The following TEX13B variants were observed in gnomAD, a reference collection of about 807,000 sequenced individuals.
TEX13B encodes testis expressed 13B.
Under a neutral mutation model 11.2 loss-of-function variants are expected in TEX13B, and 5 were observed. The ratio of observed to expected loss-of-function variants is 0.44; its 90% confidence interval spans 0.23 to 0.93. The LOEUF is 0.93. Among genes scored for constraint, TEX13B ranks in the 40% least tolerant of loss-of-function variants. The pLI, the probability that TEX13B is intolerant of heterozygous loss-of-function variation, is 0.23. For missense variants in TEX13B, 213 were observed against 244.2 expected, an observed-to-expected ratio of 0.87 and a Z score of 0.85; for synonymous variants, 115 against 100.9, an observed-to-expected ratio of 1.14 and a Z score of -0.84.
rs753317029 is a variant in TEX13B, at chrX:107,980,948, G to A, written c.*132C>T. The stretch of plus-strand genomic sequence containing the variant: ...TGAAAAATTCACAGCTTTACACCAC[G>A]GGCAGTCCCAGTTCCCTGGCCTGCG... On this transcript the variant is annotated 3_prime_UTR_variant, in exon 3 of 3. Transcript: ENST00000302917. 7 of 969,064 alleles carry A rather than the reference G, an allele frequency of 7.2e-6. No individual in the cohort carries two copies. Among genetic ancestry groups the A allele is most frequent in the Middle Eastern group, 2.8e-4 (1 of 3,519 alleles). The allele number at this position is 969,064 out of a possible 1,213,427, so 79.9% of individuals were successfully genotyped here. A position where few individuals can be genotyped will look rare whatever the true frequency, so the allele number is the denominator to read the frequency against.
rs1029242665 is a variant in TEX13B at position 107,981,074 on chromosome X, C to G, written c.*6G>C. The G allele has an allele frequency of 8.3e-7, 1 of 1,210,624 alleles. No individual in the cohort carries two copies. Among genetic ancestry groups the G allele is most frequent in the Admixed American group, 2.2e-5 (1 of 45,951 alleles). ...CTGGGCCTCCACATCTGACCACAGGCTAGCATCAGAGGCCCCCCAGTTGAA... is the reference window on the plus strand; with the variant it reads ...CTGGGCCTCCACATCTGACCACAGGGTAGCATCAGAGGCCCCCCAGTTGAA... On this transcript the variant is annotated 3_prime_UTR_variant, in exon 3 of 3. Coordinates refer to ENST00000302917, the MANE Select transcript of TEX13B (RefSeq NM_031273.2).
Position 107,981,300 on chromosome X carries a change from C to T in TEX13B, c.719G>A (p.Gly240Glu), listed in dbSNP as rs759326231. The T allele has an allele frequency of 1.2e-5, 14 of 1,210,049 alleles. No individual in the cohort carries two copies. The highest frequency in any genetic ancestry group is 1.6e-5 in the Non-Finnish European group (14 of 895,211). Residue 240 changes from glycine (G) to glutamate (E), a missense_variant, in exon 3 of 3, where the codon GGA becomes GAA. Coordinates refer to ENST00000302917, the MANE Select transcript of TEX13B (RefSeq NM_031273.2). Reference sequence around the variant, plus strand: ...GTTTGTACTGACCTGAGATCTTTCTCCCTCTGCCCCGCAAAGGTGTAATTT... The same window carrying T: ...GTTTGTACTGACCTGAGATCTTTCTTCCTCTGCCCCGCAAAGGTGTAATTT... The part of the protein sequence containing the change: ...AGKLHLCGAE[G>E]ERSQVSTNSH...
Position 107,982,073 on chromosome X carries a change from C to T in TEX13B, c.55G>A (p.Ala19Thr), listed in dbSNP as rs768900707. 2 of 1,209,979 alleles carry T rather than the reference C, an allele frequency of 1.7e-6. No individual in the cohort carries two copies. Among genetic ancestry groups the T allele is most frequent in the South Asian group, 3.5e-5 (2 of 56,845 alleles). The change falls in exon 2 of 3, where the codon GCC becomes ACC. Residue 19 changes from alanine to threonine, a missense_variant. Ala to Thr is a moderately conservative substitution (Grantham distance 58, BLOSUM62 0). Coordinates refer to ENST00000302917, the MANE Select transcript of TEX13B (RefSeq NM_031273.2). ...SSGFRHGNVVAFIIEKMARHT... is the reference protein window; with the variant it reads ...SSGFRHGNVVTFIIEKMARHT... ...CTGGCCATTTTCTCGATGATGAAGG[C>T]CACCACGTTTCCGTGCCGGAACCCA... is the stretch of plus-strand genomic sequence containing the variant.
Position 107,981,456 on chromosome X carries a change from G to A in TEX13B, c.563C>T (p.Ala188Val), listed in dbSNP as rs201061454. The A allele has an allele frequency of 5.9e-5, 71 of 1,210,115 alleles. No homozygotes were observed. The highest frequency in any genetic ancestry group is 7.7e-5 in the Non-Finnish European group (69 of 895,261). Reference protein sequence around the residue: ...TEGAGEQEKEAVAAAGAAGGK... With the variant: ...TEGAGEQEKEVVAAAGAAGGK... ...TCCAGCAGCACCAGCAGCAGCCACC[G>A]CCTCCTTTTCCTGCTCACCTGCTCC... The change falls in exon 3 of 3, where the codon GCG (alanine) becomes GTG (valine). Residue 188 changes from alanine (A) to valine (V), a missense_variant. By Grantham distance (64) the Ala-to-Val change is moderately conservative. Coordinates refer to ENST00000302917, the MANE Select transcript of TEX13B (RefSeq NM_031273.2).
Position 107,981,975 on chromosome X carries a change from C to T in TEX13B, c.153G>A (p.Arg51=), listed in dbSNP as rs1179474864. ...GCACCTCGCTGTCCTCCAGGATGGC[C>T]CTGAGCTTGTCTTCCACCTCCTCCC... is the stretch of plus-strand genomic sequence containing the variant. ...LSWEEVEDKL[R]AILEDSEVPS... Residue 51 remains arginine, a synonymous_variant, in exon 2 of 3, where the codon AGG becomes AGA. Transcript: ENST00000302917. The T allele has an allele frequency of 2.5e-6, 3 of 1,211,827 alleles. No homozygotes were observed. The highest frequency in any genetic ancestry group is 3.4e-6 in the Non-Finnish European group (3 of 895,487).
chrX:107,981,727 G>T lies in TEX13B; in HGVS notation c.401C>A (p.Thr134Asn), dbSNP rs201509944. ...CTCTCTCTGCACCTCCGCAAGGCTG[G>T]TCTCGGTTAGCTGCAACTGGAAGGT... ...EATFQLQLTE[T>N]SLAEVQRERD... is the part of the protein sequence containing the mutation. The change falls in exon 2 of 3, where the codon ACC becomes AAC. Residue 134 changes from threonine to asparagine, a missense_variant. Physicochemically the swap from Thr to Asn is moderately conservative, Grantham distance 65. Coordinates refer to ENST00000302917, the MANE Select transcript of TEX13B (RefSeq NM_031273.2). 5.1e-5 allele frequency: 62 copies of T among 1,208,984 alleles called. No homozygotes were observed. The highest frequency in any genetic ancestry group is 1.0e-5 in the Non-Finnish European group (9 of 894,555).
chrX:107,982,098 A>G lies in TEX13B; in HGVS notation c.30T>C (p.Ser10=). ...CCACCACGTTTCCGTGCCGGAACCC[A>G]CTACTGGGGTCCTCAGGTCTCAAGG... The part of the protein sequence containing the change: MALRPEDPS[S]GFRHGNVVAF... Residue 10 remains serine, a synonymous_variant, in exon 2 of 3, where the codon AGT becomes AGC. Coordinates refer to ENST00000302917, the MANE Select transcript of TEX13B (RefSeq NM_031273.2). 2 of 1,204,063 alleles carry G rather than the reference A, an allele frequency of 1.7e-6. No homozygotes were observed. The highest frequency in any genetic ancestry group is 1.1e-6 in the Non-Finnish European group (1 of 890,380).
chrX:107,981,329 T>G lies in TEX13B; in HGVS notation c.690A>C (p.Ala230=). 2 of 1,211,786 alleles carry G rather than the reference T, an allele frequency of 1.7e-6. No homozygotes were observed. The highest frequency in any genetic ancestry group is 2.2e-6 in the Non-Finnish European group (2 of 895,505). ...CTGCCCCGCAAAGGTGTAATTTGCC[T>G]GCTACAATAGCTCCGAGGGGCTGCC... ...GFRQPLGAIV[A]GKLHLCGAEG... Residue 230 remains alanine (A), a synonymous_variant, in exon 3 of 3, where the codon GCA becomes GCC. Transcript: ENST00000302917.
intron 2 of TEX13B, 54 bp from the exon 3 acceptor site, chrX:107,981,613 C>T (rs1166645363): frequency 1.8e-5 from 21 of 1,195,619 alleles, no homozygotes; most frequent in Non-Finnish European, 2.3e-5. Flanking sequence ...GCAGGGGGTC[C>T]GGACAGGTTG....
chrX:107,981,958 C>A lies in TEX13B; in HGVS notation c.170G>T (p.Ser57Ile). 1 of 1,211,836 alleles carries A rather than the reference C, an allele frequency of 8.3e-7. No individual in the cohort carries two copies. Among genetic ancestry groups the A allele is most frequent in the Non-Finnish European group, 1.1e-6 (1 of 895,415 alleles). ...EDKLRAILEDSEVPSEVKEAC... is the reference protein window; with the variant it reads ...EDKLRAILEDIEVPSEVKEAC... Reference sequence around the variant, plus strand: ...CTCTTTGACCTCGCTGGGCACCTCGCTGTCCTCCAGGATGGCCCTGAGCTT... The same window carrying A: ...CTCTTTGACCTCGCTGGGCACCTCGATGTCCTCCAGGATGGCCCTGAGCTT... Residue 57 changes from serine to isoleucine, a missense_variant, in exon 2 of 3, where the codon AGC becomes ATC. Transcript: ENST00000302917.
In TEX13B at chrX:107,982,370, A is replaced by T. The variant is rs1291051110; in HGVS notation, c.-93T>A. 6 of 336,578 alleles carry T rather than the reference A, an allele frequency of 1.8e-5. No individual in the cohort carries two copies. Among genetic ancestry groups the T allele is most frequent in the African/African-American group, 1.3e-4 (5 of 39,152 alleles). 27.7% of individuals were successfully genotyped at this position (336,578 alleles called of 1,213,427 possible). A position where few individuals can be genotyped will look rare whatever the true frequency, so the allele number is the denominator to read the frequency against. ...CCCGCTGCTTAACACGCCTGAAGAG[A>T]GGGTGGCCTCTTTCCCTCCTAGGGC... On this transcript the variant is annotated 5_prime_UTR_variant, in exon 1 of 3. Coordinates refer to ENST00000302917, the MANE Select transcript of TEX13B (RefSeq NM_031273.2).
chrX:107,981,206 G>A lies in TEX13B; in HGVS notation c.813C>T (p.Tyr271=). Residue 271 remains tyrosine (Y), a synonymous_variant, in exon 3 of 3, where the codon TAC becomes TAT. Coordinates refer to ENST00000302917, the MANE Select transcript of TEX13B (RefSeq NM_031273.2). The stretch of plus-strand genomic sequence containing the variant: ...GCATGGGTATGAGTATGTGAATGAG[G>A]TAGGGAGCTGGACAGGAAGAGGCTC... ...LTGASSCPAP[Y]LIHILIPMPF... 1.7e-6 allele frequency: 2 copies of A among 1,211,932 alleles called. No homozygotes were observed. The highest frequency in any genetic ancestry group is 3.0e-5 in the East Asian group (1 of 33,816).
In TEX13B at chrX:107,982,136, A is replaced by G. The variant is rs763773978; in HGVS notation, c.-9T>C. ...TCAGGTCTCAAGGCCATGATCGCCT[A>G]GGGGCTTAACGGTTTCACTAGCCCT... On this transcript the variant is annotated 5_prime_UTR_variant, in exon 2 of 3. Transcript: ENST00000302917. 7.6e-6 allele frequency: 9 copies of G among 1,184,074 alleles called. No individual in the cohort carries two copies. In the Admixed American group the frequency reaches 2.0e-4, roughly 26 times the overall value.
Position 107,981,517 on chromosome X carries a change from G to A in TEX13B, c.502C>T (p.Pro168Ser). The stretch of plus-strand genomic sequence containing the variant: ...TCCCCTCCGGCAGTGGCCAGGCCTG[G>A]AAACACTGTAGCCTGGCCCTGTCCC... The part of the protein sequence containing the change: ...PQGQGQATVF[P>S]GLATAGGDWT... Residue 168 changes from proline to serine, a missense_variant, in exon 3 of 3, where the codon CCA (proline) becomes TCA (serine). Coordinates refer to ENST00000302917, the MANE Select transcript of TEX13B (RefSeq NM_031273.2). 8.3e-7 allele frequency: 1 copy of A among 1,211,819 alleles called. No individual in the cohort carries two copies. The highest frequency in any genetic ancestry group is 1.7e-5 in the African/African-American group (1 of 57,838).
At position 107,981,139 on chromosome X, in the gene TEX13B, T is replaced by A. The variant is rs756958636; in HGVS notation, c.880A>T (p.Thr294Ser). ...LLSHTQYTPF[T>S]SKGHRTGSNS... is the part of the protein sequence containing the mutation. ...GAACCCGTTCTGTGACCTTTGCTGG[T>A]GAAGGGGGTATATTGGGTATGGCTG... Residue 294 changes from threonine to serine, a missense_variant, in exon 3 of 3, where the codon ACC becomes TCC. Transcript: ENST00000302917. The A allele has an allele frequency of 3.3e-6, 4 of 1,210,471 alleles. No homozygotes were observed. The highest frequency in any genetic ancestry group is 4.5e-6 in the Non-Finnish European group (4 of 895,147).
rs1933753079 is a variant in TEX13B at position 107,980,913 on chromosome X, T to C, written c.*167A>G. 2 of 729,775 alleles carry C rather than the reference T, an allele frequency of 2.7e-6. No homozygotes were observed. Among genetic ancestry groups the C allele is most frequent in the Non-Finnish European group, 4.2e-6 (2 of 476,507 alleles). The allele number at this position is 729,775 out of a possible 1,213,427, so 60.1% of individuals were successfully genotyped here. ...ATTCGCCTCCCACAGAGGAAGCAATTTTCCCTCCATGAAAAATTCACAGCT... is the reference window on the plus strand; with the variant it reads ...ATTCGCCTCCCACAGAGGAAGCAATCTTCCCTCCATGAAAAATTCACAGCT... On this transcript the variant is annotated 3_prime_UTR_variant, in exon 3 of 3. Coordinates refer to ENST00000302917, the MANE Select transcript of TEX13B (RefSeq NM_031273.2).
In TEX13B at chrX:107,980,972, C is replaced by T; in HGVS notation, c.*108G>A. 2.7e-6 allele frequency: 3 copies of T among 1,105,088 alleles called. No homozygotes were observed. Among genetic ancestry groups the T allele is most frequent in the Non-Finnish European group, 3.7e-6 (3 of 801,920 alleles). The allele number at this position is 1,105,088 out of a possible 1,213,427, so 91.1% of individuals were successfully genotyped here. ...CGGGCAGTCCCAGTTCCCTGGCCTG[C>T]GATATACTGGAGGTCTTCTCTGCTG... On this transcript the variant is annotated 3_prime_UTR_variant, in exon 3 of 3. Transcript: ENST00000302917.
Position 107,981,669 on chromosome X carries a change from G to A in TEX13B, c.459C>T (p.Ala153=), listed in dbSNP as rs1465957338. The A allele has an allele frequency of 1.7e-6, 2 of 1,193,807 alleles. No individual in the cohort carries two copies. ...RDMLRWKLFH[A]ELAPPQGQGQ... ...ACAGGGACCATTCGGGGGATCTTAC[G>A]GCATGGAAGAGCTTCCATCTCAGCA... The change falls in exon 2 of 3, where the codon GCC becomes GCT. Residue 153 remains alanine, a splice_region_variant and synonymous_variant. Transcript: ENST00000302917.
chrX:107,982,059 C>A lies in TEX13B; in HGVS notation c.69G>T (p.Glu23Asp), dbSNP rs780814728. ...GGCCTTTCGTGTGCCTGGCCATTTT[C>A]TCGATGATGAAGGCCACCACGTTTC... ...RHGNVVAFII[E>D]KMARHTKGPE... The change falls in exon 2 of 3, where the codon GAG (glutamate) becomes GAT (aspartate). Residue 23 changes from glutamate to aspartate, a missense_variant. Transcript: ENST00000302917. 2.5e-6 allele frequency: 3 copies of A among 1,211,148 alleles called. No individual in the cohort carries two copies. Among genetic ancestry groups the A allele is most frequent in the Non-Finnish European group, 3.4e-6 (3 of 894,879 alleles).
Sources: allele counts gnomAD v4.1 joint callset, GRCh38; gene constraint gnomAD v4.1.1; transcripts MANE v1.5; gene names NCBI Gene and HGNC (gene_info 2026-07-23, HGNC 2026-07-21).